The following BRPF1 variants were observed in gnomAD, a reference collection of about 807,000 sequenced individuals.
BRPF1 encodes the protein bromodomain and PHD finger containing 1.
Under a neutral mutation model 115.0 loss-of-function variants are expected in BRPF1, and 15 were observed. That is an observed-to-expected ratio of 0.13 (90% CI 0.09 to 0.20). The LOEUF (loss-of-function observed/expected upper bound fraction) is 0.20, where lower values mean the gene tolerates loss of function less well. BRPF1 is among the 10% of genes least tolerant of loss of function. The pLI, the probability that BRPF1 is intolerant of heterozygous loss-of-function variation, is 1.00. For synonymous variants in BRPF1, 647 were observed against 619.8 expected, an observed-to-expected ratio of 1.04 and a Z score of -0.65; for missense variants, 1,118 against 1,638.3, an observed-to-expected ratio of 0.68 and a Z score of 5.48.
In BRPF1 at chr3:9,745,789, C is replaced by T. The variant is rs781473272; in HGVS notation, c.3206-23C>T. On this transcript the variant is annotated intron_variant, in intron 11 of 13. Coordinates refer to ENST00000383829, the MANE Select transcript of BRPF1 (RefSeq NM_001003694.2). The surrounding 1 kb of genome is among the most constrained non-coding windows in gnomAD (Gnocchi z 5.1). The stretch of plus-strand genomic sequence containing the variant: ...CCAGCCCCCCAGCTGCTGATCCACC[C>T]CCTCTCCCCCATTCCTGTGAAGTGG... 1.1e-5 allele frequency: 18 copies of T among 1,611,958 alleles called. No homozygotes were observed. Among genetic ancestry groups the T allele is most frequent in the Middle Eastern group, 1.6e-4 (1 of 6,080 alleles).
chr3:9,732,839 C>T (rs2076877702), intron 1 of BRPF1, among the ~76,000 whole-genome samples: 1 of 152,154 alleles, frequency 6.6e-6, no homozygotes, highest in South Asian at 2.1e-4. Context: ...CTCATGATAG[C>T]CCTGCCTGGC....
intron 3 of BRPF1, among the ~76,000 whole-genome samples, chr3:9,740,371 G>A (rs2077009037): frequency 6.6e-6 from 1 of 152,280 alleles, no homozygotes; most frequent in South Asian, 2.1e-4. Flanking sequence ...TGATGGCCAG[G>A]GATTTTTTTA....
intron 6 of BRPF1, 174 bp downstream of exon 6, chr3:9,742,345 C>T: frequency 1.0e-6 from 1 of 985,392 alleles, no homozygotes; most frequent in Non-Finnish European, 1.2e-6. Flanking sequence ...CCCTGTCACA[C>T]CCCAAGGGCC....
chr3:9,734,118 C>A lies in BRPF1; in HGVS notation c.-10-13C>A. 1 of 1,565,710 alleles carries A rather than the reference C, an allele frequency of 6.4e-7. No individual in the cohort carries two copies. The highest frequency in any genetic ancestry group is 2.3e-5 in the East Asian group (1 of 44,324). On this transcript the variant is annotated splice_polypyrimidine_tract_variant and intron_variant, in intron 1 of 13. Coordinates refer to ENST00000383829, the MANE Select transcript of BRPF1 (RefSeq NM_001003694.2). The surrounding 1 kb of genome is among the most constrained non-coding windows in gnomAD (Gnocchi z 5.7). ...CATCCCCAGCCTTATGTTAACTGAT[C>A]TGTGTATTCTAGATGTGACAGCATG...
At chr3:9,736,004 A>ATTTTTTT (rs34061910) in intron 2 of BRPF1, among the ~76,000 whole-genome samples, 13 of 89,270 alleles carry the variant, frequency 1.5e-4, no homozygotes, top group Middle Eastern at 6.3e-3. Flanking sequence ...TTAAACCTCC[A>ATTTTTTT]TTTTTTTTTT....
rs924445713 is a variant in BRPF1 at position 9,732,078 on chromosome 3, C to T, written c.-71C>T. The T allele has an allele frequency of 6.6e-6, 1 of 152,392 alleles. No homozygotes were observed. The highest frequency in any genetic ancestry group is 1.9e-4 in the East Asian group (1 of 5,190). The allele number at this position is 152,392 out of a possible 1,614,324, so 9.4% of individuals were successfully genotyped here. ...GGCCCGACTTTCCCCGCCGACCTCC[C>T]CAAGTGGGGTCGGAGCCCCGGCGGG... On this transcript the variant is annotated 5_prime_UTR_variant, in exon 1 of 14. Coordinates refer to ENST00000383829, the MANE Select transcript of BRPF1 (RefSeq NM_001003694.2).
chr3:9,739,731 C>T lies in BRPF1; in HGVS notation c.1332C>T (p.Cys444=), dbSNP rs760335960. 6.2e-6 allele frequency: 10 copies of T among 1,613,934 alleles called. No homozygotes were observed. The highest frequency in any genetic ancestry group is 4.4e-5 in the South Asian group (4 of 91,088). ...TSFSVRKTAY[C]DIHTPPGSAR... is the part of the protein sequence containing the mutation. ...TCAGTGTCCGCAAGACAGCCTACTG[C>T]GACATCCACACGCCTCCAGGTTCAG... Residue 444 remains cysteine (C), a synonymous_variant, in exon 3 of 14, where the codon TGC becomes TGT. Coordinates refer to ENST00000383829, the MANE Select transcript of BRPF1 (RefSeq NM_001003694.2).
Position 9,745,888 on chromosome 3 carries a change from C to T in BRPF1, c.3282C>T (p.Leu1094=), listed in dbSNP as rs771490088. The change falls in exon 12 of 14, where the codon CTC becomes CTT. Residue 1094 remains leucine, a synonymous_variant. Transcript: ENST00000383829. The surrounding 1 kb of genome is among the most constrained non-coding windows in gnomAD (Gnocchi z 5.1). ...ACTCCCCGCTGGATGCTCTGGACCT[C>T]GTGTGGGCCAAATGCCGAGGCTATC... The part of the protein sequence containing the change: ...DEDSPLDALD[L]VWAKCRGYPS... The T allele has an allele frequency of 2.5e-5, 40 of 1,614,038 alleles. No individual in the cohort carries two copies. Among genetic ancestry groups the T allele is most frequent in the Non-Finnish European group, 2.9e-5 (34 of 1,180,032 alleles).
chr3:9,734,257 G>A lies in BRPF1; in HGVS notation c.117G>A (p.Glu39=). 1 of 1,614,044 alleles carries A rather than the reference G, an allele frequency of 6.2e-7. No homozygotes were observed. Among genetic ancestry groups the A allele is most frequent in the Non-Finnish European group, 8.5e-7 (1 of 1,179,998 alleles). ...RKVYKSYSGI[E]YHLYHYDHDN... ...TCTACAAGAGTTACAGTGGTATTGAGTACCACCTGTACCACTATGACCACG... is the reference window on the plus strand; with the variant it reads ...TCTACAAGAGTTACAGTGGTATTGAATACCACCTGTACCACTATGACCACG... Residue 39 remains glutamate (E), a synonymous_variant, in exon 2 of 14, where the codon GAG becomes GAA. Transcript: ENST00000383829. The surrounding 1 kb of genome is among the most constrained non-coding windows in gnomAD (Gnocchi z 5.7).
chr3:9,747,589 CCAGAGACCTCACAG>C lies in BRPF1; in HGVS notation c.*243_*256del, dbSNP rs1350036116. ...GAGGGCCCACAGGTCAGAAAAAGCT[CCAGAGACCTCACAG>C]CATTGTAGGGCGGGGTGGTGGGCCA... On this transcript the variant is annotated 3_prime_UTR_variant, in exon 14 of 14. Coordinates refer to ENST00000383829, the MANE Select transcript of BRPF1 (RefSeq NM_001003694.2). The surrounding 1 kb of genome is among the most constrained non-coding windows in gnomAD (Gnocchi z 5.6). The C allele has an allele frequency of 1.6e-5, 7 of 448,574 alleles. No homozygotes were observed. Among genetic ancestry groups the C allele is most frequent in the Non-Finnish European group, 2.0e-5 (5 of 249,456 alleles). The allele number at this position is 448,574 out of a possible 1,614,324, so 27.8% of individuals were successfully genotyped here.
intron 12 of BRPF1, 80 bp downstream of exon 12, chr3:9,746,010 G>C (rs2077119458): frequency 2.0e-6 from 3 of 1,477,832 alleles, no homozygotes; most frequent in Non-Finnish European, 9.3e-7. Context: ...CCTACTCCCT[G>C]CTGAGCTGTG....
At chr3:9,740,037 A>G in intron 3 of BRPF1, 79 bp downstream of exon 3, 1 of 1,457,226 alleles carries the variant, frequency 6.9e-7, no homozygotes, top group Non-Finnish European at 9.1e-7. Context: ...CCTGAGTGGA[A>G]TGGCAGGGCT....
chr3:9,742,660 A>G (rs2077051053), intron 6 of BRPF1: 2 of 618,180 alleles, frequency 3.2e-6, no homozygotes, highest in South Asian at 7.2e-5. Context: ...TTTTCTTACT[A>G]AAGCCTCATA....
In BRPF1 at chr3:9,743,350, G is replaced by A; in HGVS notation, c.2311+97G>A. The A allele has an allele frequency of 2.0e-6, 3 of 1,471,666 alleles. No individual in the cohort carries two copies. Among genetic ancestry groups the A allele is most frequent in the Non-Finnish European group, 1.8e-6 (2 of 1,097,466 alleles). 91.2% of individuals were successfully genotyped at this position (1,471,666 alleles called of 1,614,324 possible). A position where few individuals can be genotyped will look rare whatever the true frequency, so the allele number is the denominator to read the frequency against. On this transcript the variant is annotated intron_variant, in intron 7 of 13. Transcript: ENST00000383829. The surrounding 1 kb of genome is among the most constrained non-coding windows in gnomAD (Gnocchi z 6.1). ...TGGGAGCAGGCAGTGTAGGCAGAAA[G>A]CAGCTAGGCTGAGCAGTGGCAAGCT... is the stretch of plus-strand genomic sequence containing the variant.
In BRPF1 at chr3:9,742,033, T is replaced by C; in HGVS notation, c.1863T>C (p.Val621=). ...REKLKRETIK[V]QQIAMEMQLT... Reference sequence around the variant, plus strand: ...GCCTTTTTCTATGTTAGATCAAGGTTCAGCAGATTGCCATGGAGATGCAGC... The same window carrying C: ...GCCTTTTTCTATGTTAGATCAAGGTCCAGCAGATTGCCATGGAGATGCAGC... Residue 621 remains valine, a synonymous_variant, in exon 6 of 14, where the codon GTT becomes GTC. Transcript: ENST00000383829. The C allele has an allele frequency of 6.2e-7, 1 of 1,614,172 alleles. No individual in the cohort carries two copies. The highest frequency in any genetic ancestry group is 8.5e-7 in the Non-Finnish European group (1 of 1,180,026).
At chr3:9,733,056 C>CAGG (rs2076881952) in intron 1 of BRPF1, 1 of 152,206 alleles carries the variant, frequency 6.6e-6, no homozygotes, top group Non-Finnish European at 1.5e-5. Context: ...GTGTTTGTAC[C>CAGG]CTTAGGGCCT....
rs2077063823 is a variant in BRPF1, at chr3:9,743,321, C to T, written c.2311+68C>T. On this transcript the variant is annotated intron_variant, in intron 7 of 13. Transcript: ENST00000383829. This position sits in a 1 kb window ranked among gnomAD's most constrained non-coding sequence, Gnocchi z 6.1. Reference sequence around the variant, plus strand: ...GGATGGACAGCTTTCCAAAAGTCCCCTCCTGGGAGCAGGCAGTGTAGGCAG... The same window carrying T: ...GGATGGACAGCTTTCCAAAAGTCCCTTCCTGGGAGCAGGCAGTGTAGGCAG... The T allele has an allele frequency of 5.2e-6, 8 of 1,536,658 alleles. No individual in the cohort carries two copies. The highest frequency in any genetic ancestry group is 7.0e-6 in the Non-Finnish European group (8 of 1,138,356).
chr3:9,741,636 CA>C (rs5846643), intron 5 of BRPF1, among the ~76,000 whole-genome samples, 197 bp downstream of exon 5: 50,410 of 89,148 alleles, frequency 0.57, 11,332 homozygotes, highest in East Asian at 0.82. Context: ...GACTCCGTCT[CA>C]AAAAAAAAAA....
At chr3:9,737,294 AC>A (rs2076958469) in intron 2 of BRPF1, among the ~76,000 whole-genome samples, 1 of 152,208 alleles carries the variant, frequency 6.6e-6, no homozygotes, top group South Asian at 2.1e-4. Flanking sequence ...TTAGACACAT[AC>A]ACAGCTATAA....
Sources: gnomAD v4.1 joint callset for allele counts (sites outside exome capture counted in the v4.1 genomes callset) on GRCh38, gnomAD v4.1.1 for gene constraint, Gnocchi (gnomAD v3.1) non-coding constraint, MANE v1.5 for transcripts, NCBI Gene and HGNC (gene_info 2026-07-23, HGNC 2026-07-21) for gene names.